UBE3D: variants seen among roughly 807,000 people sequenced by gnomAD.
UBE3D encodes the protein E3 ubiquitin-protein ligase E3D.
UBE3D carries 48 observed loss-of-function variants against 49.6 expected under a neutral mutation model. The ratio of observed to expected loss-of-function variants is 0.97; its 90% CI spans 0.77 to 1.23. The LOEUF (loss-of-function observed/expected upper bound fraction) is 1.23, where lower values mean the gene tolerates loss of function less well. UBE3D is among the 50% of genes most tolerant of loss of function. UBE3D has a pLI of 0.00. For missense variants in UBE3D, 452 were observed against 468.4 expected, an observed-to-expected ratio of 0.96 and a Z score of 0.32; for synonymous variants, 189 against 174.2, an observed-to-expected ratio of 1.08 and a Z score of -0.67.
At chr6:83,024,611 C>T (rs752616287) in intron 5 of UBE3D, among the ~76,000 whole-genome samples, 4 of 152,108 alleles carry the variant, frequency 2.6e-5, no homozygotes, top group Non-Finnish European at 5.9e-5. Flanking sequence ...CTGGACCCAC[C>T]GTGAGATGGA....
intron 1 of UBE3D, among the ~76,000 whole-genome samples, chr6:83,063,691 T>A (rs770344079): frequency 6.6e-6 from 1 of 152,184 alleles, no homozygotes; most frequent in Non-Finnish European, 1.5e-5. Flanking sequence ...GATACTATTT[T>A]ACACACACTA....
chr6:82,969,880 T>G (rs6922073), intron 8 of UBE3D, among the ~76,000 whole-genome samples: 25,018 of 151,556 alleles, frequency 0.17, 2,143 homozygotes, highest in African/African-American at 0.2. Context: ...TAAAAAGAAT[T>G]CAGTAGGCAT....
At chr6:82,932,818 T>C (rs1200802456) in intron 9 of UBE3D, among the ~76,000 whole-genome samples, 1 of 152,176 alleles carries the variant, frequency 6.6e-6, no homozygotes, top group Non-Finnish European at 1.5e-5. Flanking sequence ...CCAATTGCCA[T>C]TGTTTTCTGC....
intron 9 of UBE3D, among the ~76,000 whole-genome samples, chr6:82,933,081 G>T (rs1443603646): frequency 6.6e-6 from 1 of 151,994 alleles, no homozygotes; most frequent in Non-Finnish European, 1.5e-5. Context: ...GTTTTTTTGG[G>T]GGGTGGGGGA....
intron 6 of UBE3D, among the ~76,000 whole-genome samples, chr6:83,023,429 G>A (rs908396845): frequency 1.3e-5 from 2 of 152,126 alleles, no homozygotes; most frequent in South Asian, 2.1e-4. Context: ...TATCAAAAAG[G>A]CTTTCTCTTT....
chr6:83,065,190 A>T (rs1784415088), intron 1 of UBE3D, among the ~76,000 whole-genome samples: 2 of 152,200 alleles, frequency 1.3e-5, no homozygotes, highest in African/African-American at 4.8e-5. Flanking sequence ...TTTGGACGAA[A>T]AGACCCGAGG....
chr6:82,945,823 T>A (rs552382034), intron 9 of UBE3D, among the ~76,000 whole-genome samples: 5 of 152,256 alleles, frequency 3.3e-5, no homozygotes, highest in East Asian at 1.9e-4. Context: ...TAGATTGAAC[T>A]AATTAAAAAG....
intron 9 of UBE3D, among the ~76,000 whole-genome samples, chr6:82,902,134 TCAAAAGTTGGCAC>T (rs1408851186): frequency 2.0e-5 from 3 of 152,270 alleles, no homozygotes; most frequent in South Asian, 2.1e-4. Context: ...AAATTTGGCT[TCAAAAGTTGGCAC>T]CAAAAGTTGG....
intron 9 of UBE3D, among the ~76,000 whole-genome samples, chr6:82,939,855 C>T (rs1199895127): frequency 6.6e-6 from 1 of 152,162 alleles, no homozygotes; most frequent in Non-Finnish European, 1.5e-5. Flanking sequence ...CCAAACAAAA[C>T]AAGAAACATA....
At chr6:82,949,943 C>T (rs949773033) in intron 9 of UBE3D, among the ~76,000 whole-genome samples, 4 of 152,166 alleles carry the variant, frequency 2.6e-5, no homozygotes, top group African/African-American at 9.7e-5. Context: ...CTCTCTAGGA[C>T]ATTGAATTGG....
chr6:83,041,959 G>C (rs1782700845), intron 4 of UBE3D, among the ~76,000 whole-genome samples: 1 of 151,958 alleles, frequency 6.6e-6, no homozygotes, highest in South Asian at 2.1e-4. Flanking sequence ...CACCAGGCTG[G>C]AGTGCAGTGG....
intron 5 of UBE3D, among the ~76,000 whole-genome samples, chr6:83,031,031 C>T (rs774270835): frequency 1.1e-4 from 17 of 151,730 alleles, no homozygotes; most frequent in South Asian, 2.1e-4. Context: ...TTTTTGAAAC[C>T]GGGTCTCATT....
intron 8 of UBE3D, among the ~76,000 whole-genome samples, chr6:82,997,119 CAAAGT>C (rs2127739903): frequency 6.6e-6 from 1 of 152,164 alleles, no homozygotes; most frequent in East Asian, 1.9e-4. Flanking sequence ...AAAATTACTC[CAAAGT>C]AAAGTTTTTA....
intron 4 of UBE3D, among the ~76,000 whole-genome samples, chr6:83,040,203 T>C (rs1222010136): frequency 6.6e-6 from 1 of 151,858 alleles, no homozygotes; most frequent in African/African-American, 2.4e-5. Context: ...ACCAACATGG[T>C]GAAACCCCTG....
intron 8 of UBE3D, among the ~76,000 whole-genome samples, chr6:82,990,965 T>C (rs1454700991): frequency 6.6e-6 from 1 of 152,118 alleles, no homozygotes; most frequent in African/African-American, 2.4e-5. Context: ...GTTTACACGG[T>C]CAAGATGCCA....
intron 2 of UBE3D, among the ~76,000 whole-genome samples, chr6:83,056,101 GCAGT>G (rs1246979434): frequency 1.3e-5 from 2 of 152,160 alleles, no homozygotes; most frequent in African/African-American, 2.4e-5. Context: ...TCAGCACATA[GCAGT>G]CAATTTATTT....
At chr6:82,885,184 G>A in the UBE3D span, among the ~76,000 whole-genome samples, 1 of 150,812 alleles carries the variant, frequency 6.6e-6, no homozygotes, top group African/African-American at 2.4e-5. Context: ...CACTGACAAA[G>A]CTATTTGGTC....
intron 8 of UBE3D, among the ~76,000 whole-genome samples, chr6:82,977,192 C>T (rs1777794365): frequency 6.7e-6 from 1 of 149,620 alleles, no homozygotes; most frequent in Non-Finnish European, 1.5e-5. Context: ...TGCTCTCTGG[C>T]ACAGAATTTT....
At chr6:83,051,722 C>A (rs1481264322) in intron 3 of UBE3D, among the ~76,000 whole-genome samples, 1 of 152,200 alleles carries the variant, frequency 6.6e-6, no homozygotes, top group African/African-American at 2.4e-5. Flanking sequence ...CGAGTACATG[C>A]AATAACTTCA....
Sources: allele counts gnomAD v4.1 joint callset (sites outside exome capture counted in the v4.1 genomes callset), GRCh38; gene constraint gnomAD v4.1.1; transcripts MANE v1.5; gene names NCBI Gene and HGNC (gene_info 2026-07-23, HGNC 2026-07-21).